Variants in BANK1 observed in about 807,000 individuals in gnomAD.
BANK1 encodes the protein B cell scaffold protein with ankyrin repeats 1.
A neutral mutation model predicts 94.5 loss-of-function variants in BANK1; 95 were observed. That is an observed-to-expected ratio of 1.00 (90% CI 0.85 to 1.19). The LOEUF (loss-of-function observed/expected upper bound fraction) is 1.19, where lower values mean the gene tolerates loss of function less well. Ranked by LOEUF, BANK1 falls within the 50% of genes most tolerant of loss-of-function variation. BANK1 has a pLI of 0.00. For missense variants in BANK1, 987 were observed against 932.2 expected, an observed-to-expected ratio of 1.06 and a Z score of -0.77; for synonymous variants, 334 against 308.4, an observed-to-expected ratio of 1.08 and a Z score of -0.87.
intron 1 of BANK1, among the ~76,000 whole-genome samples, chr4:101,808,202 C>T (rs1725625968): frequency 6.6e-6 from 1 of 152,144 alleles, no homozygotes; most frequent in South Asian, 2.1e-4. Context: ...ATTTAATTCT[C>T]TTGCAAATAT....
chr4:102,054,817 C>G (rs764273510), intron 11 of BANK1, among the ~76,000 whole-genome samples: 1 of 152,060 alleles, frequency 6.6e-6, no homozygotes, highest in Non-Finnish European at 1.5e-5. Context: ...CTTTTAGTCT[C>G]AACTTCTCCT....
chr4:101,880,584 G>A (rs1186961369), intron 5 of BANK1, among the ~76,000 whole-genome samples: 6 of 151,840 alleles, frequency 4.0e-5, no homozygotes, highest in Non-Finnish European at 8.8e-5. Context: ...CTATCCTAAA[G>A]TTTATATGAA....
At chr4:102,057,952 A>G (rs1252044324) in intron 11 of BANK1, among the ~76,000 whole-genome samples, 1 of 152,174 alleles carries the variant, frequency 6.6e-6, no homozygotes, top group Non-Finnish European at 1.5e-5. Context: ...GCTTTATTAT[A>G]TATACAACTT....
chr4:101,984,577 T>C (rs2866390), intron 7 of BANK1, among the ~76,000 whole-genome samples: 1 of 152,148 alleles, frequency 6.6e-6, no homozygotes, highest in Admixed American at 6.6e-5. Flanking sequence ...TTATCATTGC[T>C]GTCATTGATA....
intron 1 of BANK1, among the ~76,000 whole-genome samples, chr4:101,791,551 G>C (rs1049294971): frequency 1.6e-4 from 25 of 152,178 alleles, no homozygotes; most frequent in African/African-American, 5.3e-4. Flanking sequence ...TCAAATGGAC[G>C]TTAAGGCAGT....
intron 7 of BANK1, among the ~76,000 whole-genome samples, chr4:101,957,286 A>G (rs914978000): frequency 1.3e-5 from 2 of 152,094 alleles, no homozygotes; most frequent in South Asian, 4.1e-4. Context: ...TCAGGATTCC[A>G]TAGACTGGGA....
chr4:101,922,009 CGTGTGTGTGTGTGTGTGTGT>C (rs68027862), intron 7 of BANK1, among the ~76,000 whole-genome samples: 2 of 129,366 alleles, frequency 1.5e-5, no homozygotes, highest in Non-Finnish European at 3.3e-5. Context: ...ACACTGGGCC[CGTGTGTGTGTGTGTGTGTGT>C]GTGTGTGTGT....
intron 7 of BANK1, chr4:101,972,338 T>G (rs1724984966): frequency 6.6e-6 from 1 of 152,148 alleles, no homozygotes; most frequent in South Asian, 2.1e-4. Flanking sequence ...TAAATACATT[T>G]GTATAGAAAT....
At position 101,866,675 on chromosome 4, in the gene BANK1, A is replaced by AC. The variant is rs1217658082; in HGVS notation, c.764-3830_764-3829insC. On this transcript the variant is annotated intron_variant, in intron 4 of 16. Transcript: ENST00000322953. ...CCATCCCATTACTGGGTATATACCC[A>AC]AAGGACTATAAATCATGCTGCTATA... is the stretch of plus-strand genomic sequence containing the variant. Among the ~76,000 whole-genome samples the AC allele has an allele frequency of 1.2e-4, 14 of 115,292 alleles. 4 individuals carry two copies. The highest frequency in any genetic ancestry group is 2.0e-4 in the African/African-American group (5 of 24,734). The allele number at this position is 115,292 out of a possible 152,430, so 75.6% of individuals were successfully genotyped here. A position where few individuals can be genotyped will look rare whatever the true frequency, so the allele number is the denominator to read the frequency against.
At position 101,954,973 on chromosome 4, in the gene BANK1, A is replaced by G. The variant is rs149145521; in HGVS notation, c.1206+36784A>G. Among the ~76,000 whole-genome samples, 587 of 152,294 alleles carry G rather than the reference A, an allele frequency of 3.9e-3. 8 individuals carry two copies. The highest frequency in any genetic ancestry group is 0.014 in the African/African-American group (562 of 41,576). ...GAAATATAAAGGTCAGTGATAGGTA[A>G]GCATGAGTTAAATTAATTAATGAAA... On this transcript the variant is annotated intron_variant, in intron 7 of 16. Transcript: ENST00000322953.
chr4:101,792,465 GTGTGTTTTT>G (rs1208838951), intron 1 of BANK1, among the ~76,000 whole-genome samples: 3 of 48,050 alleles, frequency 6.2e-5, no homozygotes, highest in African/African-American at 1.3e-4. Context: ...GTGTGTGTGT[GTGTGTTTTT>G]TTTTTTTTAA....
intron 10 of BANK1, among the ~76,000 whole-genome samples, chr4:102,034,666 AATT>A (rs1173755209): frequency 1.3e-5 from 2 of 152,200 alleles, no homozygotes; most frequent in Non-Finnish European, 2.9e-5. Flanking sequence ...TTCTTATAAT[AATT>A]ATCATTAGGC....
chr4:101,975,439 A>G (rs983634601), intron 7 of BANK1, among the ~76,000 whole-genome samples: 1 of 152,160 alleles, frequency 6.6e-6, no homozygotes, highest in African/African-American at 2.4e-5. Context: ...ACAGTTCATT[A>G]GAGAGATTGT....
chr4:102,021,429 AC>A (rs1440572084), intron 7 of BANK1, 84 bp from the exon 8 acceptor site: 1 of 507,816 alleles, frequency 2.0e-6, no homozygotes, highest in Non-Finnish European at 3.4e-6. Flanking sequence ...TTAAATAAAA[AC>A]AAAAACTATT....
At chr4:101,849,092 T>A (rs1256673159) in intron 2 of BANK1, among the ~76,000 whole-genome samples, 3 of 152,210 alleles carry the variant, frequency 2.0e-5, no homozygotes, top group African/African-American at 7.2e-5. Context: ...TAAAAACCTG[T>A]AGTGTACTGA....
intron 7 of BANK1, among the ~76,000 whole-genome samples, chr4:101,975,033 C>T (rs911558502): frequency 2.0e-5 from 3 of 152,058 alleles, no homozygotes; most frequent in Non-Finnish European, 4.4e-5. Flanking sequence ...ATAAACATGG[C>T]TTCCCAATTG....
intron 6 of BANK1, among the ~76,000 whole-genome samples, chr4:101,896,169 C>T (rs1431711512): frequency 6.6e-6 from 1 of 151,340 alleles, no homozygotes; most frequent in Non-Finnish European, 1.5e-5. Flanking sequence ...CAGATGTCAT[C>T]GTGAGGTCAG....
chr4:101,816,655 C>G (rs1404766216), intron 1 of BANK1, among the ~76,000 whole-genome samples: 2 of 151,326 alleles, frequency 1.3e-5, no homozygotes, highest in African/African-American at 2.4e-5. Context: ...TTTGGTGTCA[C>G]AGAAGCTTAA....
At chr4:101,995,856 G>C (rs1268786198) in intron 7 of BANK1, among the ~76,000 whole-genome samples, 1 of 152,102 alleles carries the variant, frequency 6.6e-6, no homozygotes, top group African/African-American at 2.4e-5. Flanking sequence ...CCCTTTGTCA[G>C]ATGGATAGAT....
Sources: allele counts gnomAD v4.1 joint callset (sites outside exome capture counted in the v4.1 genomes callset), GRCh38; gene constraint gnomAD v4.1.1; transcripts MANE v1.5; gene names NCBI Gene and HGNC (gene_info 2026-07-23, HGNC 2026-07-21).